Variants in MSRA observed in about 807,000 individuals in gnomAD.
The protein encoded by MSRA is mitochondrial peptide methionine sulfoxide reductase.
In MSRA, 54 loss-of-function variants were observed where a neutral mutation model predicts 31.3. That is an observed-to-expected ratio of 1.73 (90% CI 1.39 to 2.17). The LOEUF (loss-of-function observed/expected upper bound fraction) is 2.17, where lower values mean the gene tolerates loss of function less well. Ranked by LOEUF, MSRA falls within the 30% of genes most tolerant of loss-of-function variation. MSRA has a pLI of 0.00. For synonymous variants in MSRA, 169 were observed against 116.5 expected (o/e 1.45, Z -2.90); for missense variants, 507 against 300.9 (o/e 1.69, Z -5.07).
intron 3 of MSRA, among the ~76,000 whole-genome samples, chr8:10,252,469 G>A (rs1448692784): frequency 2.0e-5 from 3 of 152,204 alleles, no homozygotes; most frequent in African/African-American, 7.2e-5. Context: ...TCTTGTGTCT[G>A]CTAGATGCTT....
intron 1 of MSRA, among the ~76,000 whole-genome samples, chr8:10,187,148 T>TGAGAACTTCGGGAAATGGTAC (rs1454220826): frequency 5.3e-5 from 8 of 152,326 alleles, no homozygotes; most frequent in Non-Finnish European, 8.8e-5. Context: ...TTCCTCAGTG[T>TGAGAACTTCGGGAAATGGTAC]GAGAACTTCG....
At chr8:10,206,456 C>A (rs967779428) in intron 1 of MSRA, among the ~76,000 whole-genome samples, 1 of 152,198 alleles carries the variant, frequency 6.6e-6, no homozygotes, top group South Asian at 2.1e-4. Flanking sequence ...GTGGAAGCCC[C>A]AGAAGGGAAC....
chr8:10,171,940 T>C (rs1805624149), intron 1 of MSRA, among the ~76,000 whole-genome samples: 1 of 152,236 alleles, frequency 6.6e-6, no homozygotes, highest in African/African-American at 2.4e-5. Flanking sequence ...CTATGTGAAG[T>C]CTGAAGTATC....
intron 5 of MSRA, among the ~76,000 whole-genome samples, chr8:10,399,163 C>G (rs752878347): frequency 2.0e-5 from 3 of 152,216 alleles, no homozygotes; most frequent in Admixed American, 6.5e-5. Context: ...TTATCAGCAC[C>G]TGCTGTGTGC....
intron 1 of MSRA, among the ~76,000 whole-genome samples, chr8:10,194,003 AT>A (rs1181949028): frequency 6.6e-6 from 1 of 152,162 alleles, no homozygotes; most frequent in African/African-American, 2.4e-5. Context: ...TATAAAATAG[AT>A]TTTAAGATAC....
chr8:10,409,450 G>C (rs540656185), intron 5 of MSRA, among the ~76,000 whole-genome samples: 23 of 152,290 alleles, frequency 1.5e-4, no homozygotes, highest in African/African-American at 5.5e-4. Flanking sequence ...TTTTAGTTAA[G>C]ATGGCAGATT....
chr8:10,174,648 C>T (rs1805878664), intron 1 of MSRA, among the ~76,000 whole-genome samples: 1 of 152,048 alleles, frequency 6.6e-6, no homozygotes, highest in African/African-American at 2.4e-5. Flanking sequence ...GAGCAGACTC[C>T]CCAGCCTGTC....
At chr8:10,096,847 C>T (rs1163184103) in intron 1 of MSRA, among the ~76,000 whole-genome samples, 1 of 152,130 alleles carries the variant, frequency 6.6e-6, no homozygotes, top group Non-Finnish European at 1.5e-5. Flanking sequence ...TGTAAGTATT[C>T]TGTTTTTAAA....
At chr8:10,163,695 G>A (rs1019028291) in intron 1 of MSRA, among the ~76,000 whole-genome samples, 8 of 152,360 alleles carry the variant, frequency 5.3e-5, no homozygotes, top group South Asian at 4.1e-4. Flanking sequence ...TCAAAGGACC[G>A]TCTATTTATC....
At chr8:10,247,052 TAAC>T (rs1797660250) in intron 3 of MSRA, among the ~76,000 whole-genome samples, 1 of 152,216 alleles carries the variant, frequency 6.6e-6, no homozygotes, top group Admixed American at 6.5e-5. Context: ...AGCAAAATGT[TAAC>T]AATCAGTTAG....
At chr8:10,171,906 C>A (rs1805621822) in intron 1 of MSRA, among the ~76,000 whole-genome samples, 1 of 152,124 alleles carries the variant, frequency 6.6e-6, no homozygotes, top group African/African-American at 2.4e-5. Flanking sequence ...TGTTTATGTG[C>A]CTCTTAATAG....
chr8:10,227,001 C>T (rs559199632), intron 2 of MSRA, among the ~76,000 whole-genome samples: 1 of 152,318 alleles, frequency 6.6e-6, no homozygotes, highest in African/African-American at 2.4e-5. Flanking sequence ...GAAGCCTGGG[C>T]TTCCACGAGC....
chr8:10,100,832 T>C lies in MSRA; in HGVS notation c.142+46174T>C, dbSNP rs1022846296. Among the ~76,000 whole-genome samples the C allele has an allele frequency of 4.6e-5, 7 of 152,322 alleles. No homozygotes were observed. The East Asian group carries it at 1.4e-3, about 29-fold the overall frequency. On this transcript the variant is annotated intron_variant, in intron 1 of 5. Coordinates refer to ENST00000317173, the MANE Select transcript of MSRA (RefSeq NM_012331.5). ...GATGAACATTTTCTTCTCTTACAGTTAAGAATCTCTCAGTCTTACACAATT... is the reference window on the plus strand; with the variant it reads ...GATGAACATTTTCTTCTCTTACAGTCAAGAATCTCTCAGTCTTACACAATT...
At chr8:10,288,862 T>C (rs1471195317) in intron 3 of MSRA, among the ~76,000 whole-genome samples, 1 of 152,206 alleles carries the variant, frequency 6.6e-6, no homozygotes, top group Non-Finnish European at 1.5e-5. Flanking sequence ...ATGTGGCTAA[T>C]GTGCAGAATG....
intron 5 of MSRA, among the ~76,000 whole-genome samples, chr8:10,387,953 A>C (rs11249996): frequency 0.3 from 45,185 of 152,122 alleles, 7,449 homozygotes; most frequent in Non-Finnish European, 0.38. Flanking sequence ...AAAGCCGCCT[A>C]TTTTAGGGTA....
chr8:10,086,907 GGA>G (rs1014710426), intron 1 of MSRA, among the ~76,000 whole-genome samples: 2 of 151,008 alleles, frequency 1.3e-5, no homozygotes, highest in South Asian at 2.1e-4. Flanking sequence ...AGAGGGAGAG[GGA>G]GAGAGAGGAG....
intron 5 of MSRA, among the ~76,000 whole-genome samples, chr8:10,385,152 A>T (rs1156918556): frequency 6.6e-6 from 1 of 152,210 alleles, no homozygotes; most frequent in Non-Finnish European, 1.5e-5. Flanking sequence ...AATGGAAATT[A>T]TGGGGGAAAC....
chr8:10,403,318 C>G, intron 5 of MSRA, among the ~76,000 whole-genome samples: 1 of 152,192 alleles, frequency 6.6e-6, no homozygotes. Flanking sequence ...TCAACCCAGC[C>G]AACGAGAAAA....
At chr8:10,380,696 A>AT (rs1440848310) in intron 5 of MSRA, among the ~76,000 whole-genome samples, 1 of 152,206 alleles carries the variant, frequency 6.6e-6, no homozygotes, top group African/African-American at 2.4e-5. Context: ...TTAATACATT[A>AT]TTTTTGAATG....
Sources: allele counts gnomAD v4.1 joint callset (sites outside exome capture counted in the v4.1 genomes callset), GRCh38; gene constraint gnomAD v4.1.1; transcripts MANE v1.5; gene names NCBI Gene and HGNC (gene_info 2026-07-23, HGNC 2026-07-21).